Variants in CCNY observed in about 807,000 individuals in gnomAD.
CCNY encodes the protein cyclin Y.
CCNY carries 19 observed loss-of-function variants against 42.8 expected under a neutral mutation model. The ratio of observed to expected loss-of-function variants is 0.44; its 90% CI spans 0.31 to 0.65. The LOEUF (loss-of-function observed/expected upper bound fraction) is 0.65. CCNY is among the 30% of genes least tolerant of loss of function. CCNY has a pLI of 0.07. For missense variants in CCNY, 370 were observed against 437.3 expected (o/e 0.85, Z 1.37); for synonymous variants, 165 against 162.7 (o/e 1.01, Z -0.11).
chr10:35,291,593 A>C (rs1485285181), intron 3 of CCNY, among the ~76,000 whole-genome samples: 1 of 138,132 alleles, frequency 7.2e-6, no homozygotes, highest in East Asian at 2.1e-4. Flanking sequence ...GTGCAGTGGC[A>C]CGATCTCGCT....
At chr10:35,303,467 C>A (rs1010004844) in intron 3 of CCNY, among the ~76,000 whole-genome samples, 70 of 150,856 alleles carry the variant, frequency 4.6e-4, no homozygotes, top group African/African-American at 1.7e-3. Flanking sequence ...GGCGAAAGAC[C>A]ATGTTTCTTA....
intron 7 of CCNY, among the ~76,000 whole-genome samples, chr10:35,547,525 C>G (rs1841142194): frequency 6.6e-6 from 1 of 152,178 alleles, no homozygotes; most frequent in Non-Finnish European, 1.5e-5. Context: ...GCACCTGTCT[C>G]ACAAGCCAAG....
chr10:35,255,437 T>C (rs560659072), intron 3 of CCNY, among the ~76,000 whole-genome samples: 72 of 151,750 alleles, frequency 4.7e-4, no homozygotes, highest in Non-Finnish European at 1.0e-3. Flanking sequence ...TCTGGGACTA[T>C]AGGCACACAC....
At chr10:35,545,738 G>A (rs764560407) in intron 7 of CCNY, among the ~76,000 whole-genome samples, 5 of 152,084 alleles carry the variant, frequency 3.3e-5, no homozygotes, top group African/African-American at 4.8e-5. Context: ...GATCTCTCCA[G>A]GGATACCAGC....
At chr10:35,509,975 C>T (rs1362240362) in intron 3 of CCNY, among the ~76,000 whole-genome samples, 2 of 152,202 alleles carry the variant, frequency 1.3e-5, no homozygotes, top group Admixed American at 6.5e-5. Flanking sequence ...CTCCCCTCCA[C>T]TTCTGCACTC....
chr10:35,497,376 T>G (rs1840022838), intron 2 of CCNY, among the ~76,000 whole-genome samples: 1 of 152,338 alleles, frequency 6.6e-6, no homozygotes, highest in South Asian at 2.1e-4. Flanking sequence ...GGTTTCAAAT[T>G]TATTTTAAAG....
intron 2 of CCNY, among the ~76,000 whole-genome samples, chr10:35,492,573 A>G (rs751855888): frequency 4.6e-5 from 7 of 152,230 alleles, no homozygotes; most frequent in Admixed American, 6.5e-5. Flanking sequence ...TTTTTGTGGT[A>G]TAGAAATAAA....
chr10:35,320,923 C>A, intron 3 of CCNY: 1 of 152,190 alleles, frequency 6.6e-6, no homozygotes, highest in Non-Finnish European at 1.5e-5. Flanking sequence ...GGGAAGATCA[C>A]TTGAGTCCAG....
intron 4 of CCNY, among the ~76,000 whole-genome samples, chr10:35,522,326 A>G (rs1378893550): frequency 1.3e-5 from 2 of 152,238 alleles, no homozygotes; most frequent in East Asian, 3.8e-4. Context: ...ATGTGGATCC[A>G]GAGATCCATC....
chr10:35,253,066 C>T (rs759683317), intron 3 of CCNY, among the ~76,000 whole-genome samples: 31 of 152,144 alleles, frequency 2.0e-4, no homozygotes, highest in Non-Finnish European at 4.1e-4. Context: ...GGACTGAACA[C>T]TATTAAGTCC....
chr10:35,516,587 C>G lies in CCNY; in HGVS notation c.329C>G (p.Thr110Arg). 1 of 1,606,298 alleles carries G rather than the reference C, an allele frequency of 6.2e-7. No homozygotes were observed. Among genetic ancestry groups the G allele is most frequent in the Non-Finnish European group, 8.5e-7 (1 of 1,175,780 alleles). The part of the protein sequence containing the change: ...SCSTIFLDDS[T>R]VSQPNLKYTI... ...TCCACCATTTTCCTAGATGATAGCACAGTCAGTCAACCAAACCTCAAGTAT... is the reference window on the plus strand; with the variant it reads ...TCCACCATTTTCCTAGATGATAGCAGAGTCAGTCAACCAAACCTCAAGTAT... Residue 110 changes from threonine to arginine, a missense_variant, in exon 4 of 10, where the codon ACA (threonine) becomes AGA (arginine). By Grantham distance (71) the Thr-to-Arg change is moderately conservative. Coordinates refer to ENST00000374704, the MANE Select transcript of CCNY (RefSeq NM_145012.6).
At chr10:35,538,007 T>C (rs978590791) in intron 7 of CCNY, among the ~76,000 whole-genome samples, 2 of 152,152 alleles carry the variant, frequency 1.3e-5, no homozygotes, top group Non-Finnish European at 2.9e-5. Flanking sequence ...TGGGAGATAA[T>C]TGAATCATGG....
chr10:35,278,256 T>C (rs943399570), intron 3 of CCNY, among the ~76,000 whole-genome samples: 1 of 152,102 alleles, frequency 6.6e-6, no homozygotes, highest in Non-Finnish European at 1.5e-5. Flanking sequence ...TAATAGGTCA[T>C]GTCCCAGCAA....
intron 3 of CCNY, among the ~76,000 whole-genome samples, chr10:35,253,904 C>G (rs2095713718): frequency 7.0e-6 from 1 of 142,156 alleles, no homozygotes; most frequent in Non-Finnish European, 1.5e-5. Context: ...GAGACGGAGT[C>G]TCACTCTGTC....
At chr10:35,295,000 T>C (rs969594785) in intron 3 of CCNY, among the ~76,000 whole-genome samples, 19 of 151,948 alleles carry the variant, frequency 1.3e-4, no homozygotes, top group Non-Finnish European at 1.9e-4. Flanking sequence ...CTATCTCATC[T>C]AAGCTATTTA....
intron 1 of CCNY, among the ~76,000 whole-genome samples, chr10:35,379,101 C>T (rs1230334127): frequency 1.3e-5 from 2 of 152,134 alleles, no homozygotes; most frequent in Admixed American, 6.5e-5. Flanking sequence ...GTTTGGTTCA[C>T]GTGTCAGCCT....
chr10:35,441,974 G>T (rs992453066), intron 1 of CCNY, among the ~76,000 whole-genome samples: 5 of 152,204 alleles, frequency 3.3e-5, no homozygotes, highest in Non-Finnish European at 7.3e-5. Context: ...AAGTCTGTAT[G>T]AAAGGAAAAG....
At chr10:35,469,502 G>C (rs551862369) in intron 1 of CCNY, among the ~76,000 whole-genome samples, 59 of 152,254 alleles carry the variant, frequency 3.9e-4, no homozygotes, top group Non-Finnish European at 7.1e-4. Flanking sequence ...AAGAGAAGGA[G>C]GAGAAGAGAG....
chr10:35,476,315 A>G (rs1304350935), intron 1 of CCNY, among the ~76,000 whole-genome samples: 1 of 152,120 alleles, frequency 6.6e-6, no homozygotes, highest in African/African-American at 2.4e-5. Flanking sequence ...CTCCACCCCA[A>G]ATCAACAGAA....
Sources: allele counts gnomAD v4.1 joint callset (sites outside exome capture counted in the v4.1 genomes callset), GRCh38; gene constraint gnomAD v4.1.1; transcripts MANE v1.5; gene names NCBI Gene and HGNC (gene_info 2026-07-23, HGNC 2026-07-21).